Variants in IPCEF1 observed in about 807,000 individuals in gnomAD.
IPCEF1 encodes the protein interactor protein for cytohesin exchange factors 1.
IPCEF1 carries 31 observed loss-of-function variants against 50.9 expected under a neutral mutation model. The ratio of observed to expected loss-of-function variants is 0.61; its 90% confidence interval spans 0.46 to 0.82. IPCEF1 has a LOEUF of 0.82. IPCEF1 is among the 40% of genes least tolerant of loss of function. The pLI is 0.00. For synonymous variants in IPCEF1, 181 were observed against 192.0 expected (o/e 0.94, Z 0.47); for missense variants, 458 against 514.0 (o/e 0.89, Z 1.05).
rs960932436 is a variant in IPCEF1, at chr6:154,199,705, G to T, written c.873C>A (p.Val291=). The change falls in exon 10 of 12, where the codon GTC becomes GTA. Residue 291 remains valine (V), a synonymous_variant. Coordinates refer to ENST00000367220, the MANE Select transcript of IPCEF1 (RefSeq NM_001130700.2). ...SLSSNHDHLT[V]PDKPAGSKIM... is the part of the protein sequence containing the mutation. The stretch of plus-strand genomic sequence containing the variant: ...TCTTTGATCCAGCAGGCTTATCTGG[G>T]ACAGTAAGATGGTCATGATTGCTAC... The T allele has an allele frequency of 2.5e-6, 4 of 1,613,388 alleles. No individual in the cohort carries two copies. The highest frequency in any genetic ancestry group is 3.4e-6 in the Non-Finnish European group (4 of 1,179,618).
At chr6:154,218,603 G>T (rs183950718) in intron 7 of IPCEF1, among the ~76,000 whole-genome samples, 12 of 152,288 alleles carry the variant, frequency 7.9e-5, no homozygotes, top group Admixed American at 2.0e-4. Context: ...CAGTAAGAAG[G>T]GAAGTTCTTC....
intron 2 of IPCEF1, among the ~76,000 whole-genome samples, chr6:154,288,211 A>G (rs925780214): frequency 6.6e-6 from 1 of 152,260 alleles, no homozygotes; most frequent in African/African-American, 2.4e-5. Flanking sequence ...CAGTTGTAAC[A>G]TAATTGGAAA....
chr6:154,328,981 G>T (rs1783590134), intron 1 of IPCEF1, among the ~76,000 whole-genome samples: 1 of 152,004 alleles, frequency 6.6e-6, no homozygotes. Context: ...TGAATACCAA[G>T]AAAAAAATTT....
intron 1 of IPCEF1, among the ~76,000 whole-genome samples, chr6:154,295,940 T>G (rs1412833481): frequency 6.6e-6 from 1 of 150,450 alleles, no homozygotes; most frequent in Non-Finnish European, 1.5e-5. Flanking sequence ...CACACACTCT[T>G]AGCAGTTGGC....
chr6:154,313,004 G>A (rs771445028), intron 1 of IPCEF1, among the ~76,000 whole-genome samples: 5 of 142,384 alleles, frequency 3.5e-5, no homozygotes, highest in Non-Finnish European at 7.5e-5. Context: ...TTGAGCCCAG[G>A]AAGGGAAGGT....
At chr6:154,207,679 TC>T (rs1777617303) in intron 9 of IPCEF1, among the ~76,000 whole-genome samples, 1 of 152,190 alleles carries the variant, frequency 6.6e-6, no homozygotes, top group African/African-American at 2.4e-5. Flanking sequence ...TTTGACTTCC[TC>T]CTCTGTCGCT....
chr6:154,348,082 C>A (rs374761886), intron 1 of IPCEF1, among the ~76,000 whole-genome samples: 2 of 152,260 alleles, frequency 1.3e-5, no homozygotes, highest in East Asian at 1.9e-4. Context: ...TCTCTCTCCC[C>A]GTGCTGGCTT....
At chr6:154,245,533 C>T (rs970883749) in intron 5 of IPCEF1, among the ~76,000 whole-genome samples, 3 of 152,174 alleles carry the variant, frequency 2.0e-5, no homozygotes, top group Non-Finnish European at 4.4e-5. Context: ...ATTTGGCCCA[C>T]AAACAATATG....
intron 3 of IPCEF1, among the ~76,000 whole-genome samples, chr6:154,258,491 G>A (rs1040610923): frequency 6.6e-6 from 1 of 152,064 alleles, no homozygotes; most frequent in African/African-American, 2.4e-5. Flanking sequence ...TATCTGTGTG[G>A]GATACCATGG....
intron 1 of IPCEF1, among the ~76,000 whole-genome samples, chr6:154,321,784 A>C (rs1293057371): frequency 3.2e-5 from 4 of 126,148 alleles, no homozygotes; most frequent in African/African-American, 1.2e-4. Flanking sequence ...TTTCTAAAAA[A>C]AAAAAAAAAA....
chr6:154,256,277 T>C (rs548256439), intron 3 of IPCEF1, among the ~76,000 whole-genome samples: 4 of 152,240 alleles, frequency 2.6e-5, no homozygotes, highest in Admixed American at 1.3e-4. Flanking sequence ...TCTCTTCTTA[T>C]AAGGGCACAA....
intron 1 of IPCEF1, among the ~76,000 whole-genome samples, chr6:154,341,585 G>C (rs570964929): frequency 6.6e-6 from 1 of 152,122 alleles, no homozygotes; most frequent in African/African-American, 2.4e-5. Context: ...AATCAGTTCC[G>C]GATCTTTTAA....
intron 3 of IPCEF1, among the ~76,000 whole-genome samples, chr6:154,264,759 G>A (rs573799635): frequency 9.6e-4 from 146 of 152,212 alleles, no homozygotes; most frequent in African/African-American, 3.5e-3. Context: ...GAATTAAAGT[G>A]TCTTCATTGC....
chr6:154,249,465 CT>C (rs1562566475), intron 3 of IPCEF1, among the ~76,000 whole-genome samples: 1 of 152,120 alleles, frequency 6.6e-6, no homozygotes, highest in Admixed American at 6.5e-5. Flanking sequence ...CCAGGAGTCC[CT>C]AGCAAGCACT....
chr6:154,214,287 A>G lies in IPCEF1; in HGVS notation c.393-11T>C. On this transcript the variant is annotated splice_polypyrimidine_tract_variant and intron_variant, in intron 7 of 11. Transcript: ENST00000367220. ...AGTTTATTTAACCACCTAAAATTCA[A>G]ATAGAAAGCAAATGTTGACCAAAGA... 6.3e-7 allele frequency: 1 copy of G among 1,597,964 alleles called. No homozygotes were observed. The highest frequency in any genetic ancestry group is 1.3e-5 in the African/African-American group (1 of 74,690).
chr6:154,213,805 A>AGGGTAATT (rs1778158328), intron 8 of IPCEF1, among the ~76,000 whole-genome samples: 1 of 152,218 alleles, frequency 6.6e-6, no homozygotes, highest in Admixed American at 6.5e-5. Flanking sequence ...GTACAATCTT[A>AGGGTAATT]GGGTAATTAG....
chr6:154,238,983 C>A (rs1780364922), intron 5 of IPCEF1, among the ~76,000 whole-genome samples: 1 of 151,866 alleles, frequency 6.6e-6, no homozygotes, highest in Non-Finnish European at 1.5e-5. Context: ...GCACTGTCCA[C>A]CAGAGAAAAG....
chr6:154,186,676 C>T (rs1459094894), intron 10 of IPCEF1, among the ~76,000 whole-genome samples: 1 of 152,108 alleles, frequency 6.6e-6, no homozygotes, highest in Non-Finnish European at 1.5e-5. Context: ...CCTGCCTCAG[C>T]CTCCCGAGTA....
chr6:154,247,485 C>A lies in IPCEF1; in HGVS notation c.40G>T (p.Val14Phe). The A allele has an allele frequency of 6.2e-7, 1 of 1,611,376 alleles. No individual in the cohort carries two copies. The highest frequency in any genetic ancestry group is 8.5e-7 in the Non-Finnish European group (1 of 1,178,148). ...CTCCTGGGCTTCTGACGCAAGGGAA[C>A]CTGCTGAAAATGCAGGAAGGAAAGA... ...YMAIDGSALQ[V>F]PLRQKPRRKT... is the part of the protein sequence containing the mutation. Residue 14 changes from valine (V) to phenylalanine (F), a missense_variant, in exon 4 of 12, where the codon GTT (valine) becomes TTT (phenylalanine). Transcript: ENST00000367220.
Sources: allele counts gnomAD v4.1 joint callset (sites outside exome capture counted in the v4.1 genomes callset), GRCh38; gene constraint gnomAD v4.1.1; transcripts MANE v1.5; gene names NCBI Gene and HGNC (gene_info 2026-07-23, HGNC 2026-07-21).